Variants in USP26 observed in about 807,000 individuals in gnomAD.
The protein encoded by USP26 is ubiquitin carboxyl-terminal hydrolase 26.
For missense variants in USP26, 649 were observed against 642.3 expected, an observed-to-expected ratio of 1.01 and a Z score of -0.11; for synonymous variants, 236 against 240.6, an observed-to-expected ratio of 0.98 and a Z score of 0.18.
chrX:133,065,256 A>G (rs1257650988), intron 5 of USP26, among the ~76,000 whole-genome samples: 2 of 111,602 alleles, frequency 1.8e-5, no homozygotes, highest in African/African-American at 6.5e-5. Flanking sequence ...AACCAAAAAA[A>G]GCCCAGGACC....
intron 5 of USP26, among the ~76,000 whole-genome samples, chrX:133,028,632 T>C (rs1163627564): frequency 8.9e-6 from 1 of 112,373 alleles, no homozygotes; most frequent in Admixed American, 9.5e-5. Flanking sequence ...TCAATTGAAA[T>C]CATGAAACAC....
At chrX:133,095,220 T>A (rs1371961808) in intron 1 of USP26, among the ~76,000 whole-genome samples, 1 of 111,595 alleles carries the variant, frequency 9.0e-6, no homozygotes, top group East Asian at 2.8e-4. Context: ...AAAACTTTCT[T>A]CACACAAAAT....
At chrX:133,079,854 A>G (rs374242151) in intron 5 of USP26, among the ~76,000 whole-genome samples, 1 of 111,914 alleles carries the variant, frequency 8.9e-6, no homozygotes, top group African/African-American at 3.2e-5. Context: ...TTAAGATAAA[A>G]AATATAGATG....
intron 5 of USP26, among the ~76,000 whole-genome samples, chrX:133,062,725 GA>G (rs1051651862): frequency 4.6e-5 from 5 of 109,439 alleles, no homozygotes; most frequent in Non-Finnish European, 9.6e-5. Flanking sequence ...CAACAAAAAG[GA>G]CCCCCCCGCC....
chrX:133,061,652 G>T (rs934740749), intron 5 of USP26, among the ~76,000 whole-genome samples: 4 of 112,021 alleles, frequency 3.6e-5, no homozygotes, highest in African/African-American at 6.5e-5. Context: ...TACAGAGGGC[G>T]AGCAGAAGCA....
At chrX:133,032,711 G>A (rs1311861749) in intron 5 of USP26, among the ~76,000 whole-genome samples, 1 of 111,810 alleles carries the variant, frequency 8.9e-6, no homozygotes, top group African/African-American at 3.3e-5. Flanking sequence ...AGAGGAAAAT[G>A]GGAGCTGAAG....
At chrX:133,083,546 T>C (rs1471055159) in intron 5 of USP26, among the ~76,000 whole-genome samples, 161 bp downstream of exon 5, 2 of 111,945 alleles carry the variant, frequency 1.8e-5, no homozygotes, top group African/African-American at 6.5e-5. Context: ...GTGTACATAT[T>C]TGAATTAAAT....
At chrX:133,093,473 G>A (rs1005869185) in intron 1 of USP26, among the ~76,000 whole-genome samples, 2 of 109,866 alleles carry the variant, frequency 1.8e-5, no homozygotes, top group African/African-American at 3.3e-5. Context: ...CTATTGAGGA[G>A]GAAGAAAAAT....
At chrX:133,059,671 T>C (rs888747706) in intron 5 of USP26, among the ~76,000 whole-genome samples, 4 of 109,763 alleles carry the variant, frequency 3.6e-5, no homozygotes, top group African/African-American at 1.3e-4. Flanking sequence ...TCTTAGGACT[T>C]CTCTCCCCCT....
intron 5 of USP26, among the ~76,000 whole-genome samples, chrX:133,056,652 G>GA (rs985009653): frequency 1.3e-4 from 15 of 111,454 alleles, no homozygotes; most frequent in African/African-American, 2.0e-4. Flanking sequence ...TAAGGCAGTT[G>GA]AAAAAAACAA....
intron 4 of USP26, among the ~76,000 whole-genome samples, chrX:133,085,872 G>A (rs750292657): frequency 9.0e-6 from 1 of 111,122 alleles, no homozygotes; most frequent in Non-Finnish European, 1.9e-5. Context: ...TGGGGCTACT[G>A]TCTGGGTGGA....
chrX:133,054,813 TA>T (rs748999164), intron 5 of USP26, among the ~76,000 whole-genome samples: 3 of 112,384 alleles, frequency 2.7e-5, no homozygotes, highest in Non-Finnish European at 5.6e-5. Flanking sequence ...TATTACCCCA[TA>T]AGGCTATTGA....
intron 5 of USP26, among the ~76,000 whole-genome samples, chrX:133,039,221 G>C (rs1367643987): frequency 1.8e-5 from 2 of 110,331 alleles, no homozygotes; most frequent in Non-Finnish European, 3.8e-5. Flanking sequence ...GAATTTGTTT[G>C]CTCTTCCTTC....
chrX:133,057,390 G>A (rs1336189662), intron 5 of USP26, among the ~76,000 whole-genome samples: 1 of 111,472 alleles, frequency 9.0e-6, no homozygotes, highest in Non-Finnish European at 1.9e-5. Context: ...GAAGTTTGTC[G>A]ATTTTACAGA....
Position 133,027,808 on chromosome X carries a change from T to C in USP26, c.413A>G (p.Lys138Arg), listed in dbSNP as rs2148525351. 2 of 1,209,556 alleles carry C rather than the reference T, an allele frequency of 1.7e-6. No homozygotes were observed. Among genetic ancestry groups the C allele is most frequent in the Non-Finnish European group, 2.2e-6 (2 of 894,284 alleles). Residue 138 changes from lysine to arginine, a missense_variant, in exon 6 of 6, where the codon AAA becomes AGA. Coordinates refer to ENST00000511190, the MANE Select transcript of USP26 (RefSeq NM_031907.3). ...NKTSFHKVDE[K>R]SSSKSFEIAK... is the part of the protein sequence containing the mutation. ...TATCTCAAAAGATTTGCTACTTGAT[T>C]TCTCATCAACTTTGTGGAATGAAGT...
chrX:133,088,946 T>G (rs908697277), intron 4 of USP26, among the ~76,000 whole-genome samples: 7 of 110,201 alleles, frequency 6.4e-5, no homozygotes, highest in Non-Finnish European at 9.5e-5. Flanking sequence ...AGGTAGAGTT[T>G]TTTTTTTTTT....
At chrX:133,068,430 A>G (rs2067519560) in intron 5 of USP26, among the ~76,000 whole-genome samples, 1 of 112,759 alleles carries the variant, frequency 8.9e-6, no homozygotes, top group Admixed American at 9.4e-5. Flanking sequence ...TAAAATATCA[A>G]GAAGAAATGT....
chrX:133,069,171 A>G (rs2067522523), intron 5 of USP26, among the ~76,000 whole-genome samples: 1 of 112,090 alleles, frequency 8.9e-6, no homozygotes, highest in Non-Finnish European at 1.9e-5. Flanking sequence ...TGGCATTGTG[A>G]AAGGCAATTA....
At chrX:133,077,853 G>A (rs995634545) in intron 5 of USP26, among the ~76,000 whole-genome samples, 3 of 111,650 alleles carry the variant, frequency 2.7e-5, no homozygotes, top group Admixed American at 1.9e-4. Flanking sequence ...AGGCCAAGGC[G>A]GGCAGATCAC....
Sources: allele counts gnomAD v4.1 joint callset (sites outside exome capture counted in the v4.1 genomes callset), GRCh38; gene constraint gnomAD v4.1.1; transcripts MANE v1.5; gene names NCBI Gene and HGNC (gene_info 2026-07-23, HGNC 2026-07-21).